Variants in CEP128 observed in about 807,000 individuals in gnomAD.
The protein encoded by CEP128 is centrosomal protein 128kDa.
A neutral mutation model predicts 156.7 loss-of-function variants in CEP128; 132 were observed. The observed-to-expected ratio is 0.84, with a 90% CI of 0.73 to 0.97. The LOEUF (loss-of-function observed/expected upper bound fraction) is 0.97, where lower values mean the gene tolerates loss of function less well. CEP128 is among the 50% of genes least tolerant of loss of function. The pLI, the probability that CEP128 is intolerant of heterozygous loss-of-function variation, is 0.00. For synonymous variants in CEP128, 469 were observed against 448.9 expected (o/e 1.04, Z -0.57); for missense variants, 1,252 against 1,281.9 (o/e 0.98, Z 0.36).
rs372020896 is a variant in CEP128 at position 80,724,025 on chromosome 14, T to C, written c.2806+19050A>G. 2.6e-5 allele frequency among the ~76,000 whole-genome samples: 4 copies of C among 152,326 alleles called. No homozygotes were observed. The East Asian group carries it at 5.8e-4, about 22-fold the overall frequency. ...AGAACAGTTAAAAGATTAAAACTGT[T>C]ATCCTCATTTAATAATTGAGTACCA... is the stretch of plus-strand genomic sequence containing the variant. On this transcript the variant is annotated intron_variant, in intron 19 of 24. Transcript: ENST00000555265.
intron 21 of CEP128, among the ~76,000 whole-genome samples, chr14:80,549,018 C>G (rs1208268461): frequency 1.3e-5 from 2 of 152,132 alleles, no homozygotes; most frequent in Non-Finnish European, 2.9e-5. Context: ...TACATTTGAC[C>G]ATAAACAGTC....
intron 20 of CEP128, among the ~76,000 whole-genome samples, chr14:80,561,569 A>G (rs1890674268): frequency 6.6e-6 from 1 of 152,142 alleles, no homozygotes; most frequent in Non-Finnish European, 1.5e-5. Context: ...GGAAGACTGA[A>G]AATATTTACA....
rs1888342464 is a variant in CEP128, at chr14:80,513,291, A to AT, written c.3073-8272dup. 2.0e-5 allele frequency among the ~76,000 whole-genome samples: 3 copies of AT among 152,286 alleles called. No individual in the cohort carries two copies. The South Asian group carries it at 6.2e-4, about 32-fold the overall frequency. The stretch of plus-strand genomic sequence containing the variant: ...ATTCCTTCAGCAATTTAAATATGTC[A>AT]TGCCTGCCTCTCCTGGCCTGTAAGA... On this transcript the variant is annotated intron_variant, in intron 23 of 24. Coordinates refer to ENST00000555265, the MANE Select transcript of CEP128 (RefSeq NM_152446.5).
intron 19 of CEP128, among the ~76,000 whole-genome samples, chr14:80,605,433 G>A (rs1187560800): frequency 6.6e-6 from 1 of 151,940 alleles, no homozygotes; most frequent in Admixed American, 6.6e-5. Flanking sequence ...CGTTCACCTC[G>A]AATATCTATC....
chr14:80,912,917 C>T (rs1334463578), intron 4 of CEP128, among the ~76,000 whole-genome samples: 3 of 152,048 alleles, frequency 2.0e-5, no homozygotes, highest in Non-Finnish European at 2.9e-5. Context: ...TTTCATCACA[C>T]TGTATATATA....
intron 19 of CEP128, among the ~76,000 whole-genome samples, chr14:80,647,066 T>TGTGTGC (rs1894682757): frequency 4.4e-5 from 1 of 22,844 alleles, no homozygotes; most frequent in African/African-American, 1.1e-4. Context: ...TATATATATA[T>TGTGTGC]ATATATATAT....
intron 19 of CEP128, among the ~76,000 whole-genome samples, chr14:80,597,610 C>T (rs1253647917): frequency 1.3e-5 from 2 of 148,546 alleles, no homozygotes; most frequent in East Asian, 4.0e-4. Context: ...ACAATTGTCC[C>T]TCAAAAAAAC....
intron 19 of CEP128, among the ~76,000 whole-genome samples, chr14:80,607,805 C>G (rs1892844312): frequency 6.6e-6 from 1 of 152,172 alleles, no homozygotes; most frequent in South Asian, 2.1e-4. Flanking sequence ...AACACCATTA[C>G]TTTTTATAGA....
chr14:80,682,833 C>A (rs1896375830), intron 19 of CEP128, among the ~76,000 whole-genome samples: 1 of 152,140 alleles, frequency 6.6e-6, no homozygotes, highest in Non-Finnish European at 1.5e-5. Context: ...ATTTCATTTT[C>A]TGCCAAACTA....
At chr14:80,489,246 A>G (rs1041272776), downstream of CEP128, among the ~76,000 whole-genome samples, 2 of 147,116 alleles carry the variant, frequency 1.4e-5, no homozygotes, top group African/African-American at 5.1e-5. Context: ...AAATAAACAT[A>G]TGGTTAAATA....
intron 17 of CEP128, among the ~76,000 whole-genome samples, chr14:80,757,550 T>C (rs559987365): frequency 5.1e-4 from 78 of 152,252 alleles, no homozygotes; most frequent in Non-Finnish European, 9.1e-4. Context: ...TCTGGTTTTG[T>C]CATATTACTA....
At chr14:80,640,301 C>A (rs1894354681) in intron 19 of CEP128, among the ~76,000 whole-genome samples, 1 of 152,022 alleles carries the variant, frequency 6.6e-6, no homozygotes, top group Non-Finnish European at 1.5e-5. Flanking sequence ...CTAAAACAAA[C>A]AAACAAAATA....
At chr14:80,670,014 A>T (rs1895775482) in intron 19 of CEP128, among the ~76,000 whole-genome samples, 1 of 152,178 alleles carries the variant, frequency 6.6e-6, no homozygotes, top group African/African-American at 2.4e-5. Flanking sequence ...TCATGCCAAA[A>T]GCAGGAGCAA....
chr14:80,740,306 T>C (rs1160908346), intron 19 of CEP128, among the ~76,000 whole-genome samples: 1 of 152,076 alleles, frequency 6.6e-6, no homozygotes, highest in Non-Finnish European at 1.5e-5. Context: ...TGCTAGGTGA[T>C]ACATAAAACA....
chr14:80,581,638 T>C (rs1371422421), intron 19 of CEP128, among the ~76,000 whole-genome samples: 1 of 152,180 alleles, frequency 6.6e-6, no homozygotes, highest in East Asian at 1.9e-4. Context: ...TTCTGTATGC[T>C]ATAGAGGAAC....
At chr14:80,804,158 CTT>C (rs1346949540) in intron 13 of CEP128, among the ~76,000 whole-genome samples, 3 of 151,872 alleles carry the variant, frequency 2.0e-5, no homozygotes, top group African/African-American at 4.8e-5. Flanking sequence ...GTTTTTATAA[CTT>C]TGAATTAATG....
chr14:80,759,270 T>G (rs1430220605), intron 17 of CEP128, among the ~76,000 whole-genome samples: 1 of 152,216 alleles, frequency 6.6e-6, no homozygotes, highest in Non-Finnish European at 1.5e-5. Context: ...AGGACTTTTC[T>G]CAAACTCATT....
At chr14:80,839,638 T>C (rs953056471) in intron 10 of CEP128, among the ~76,000 whole-genome samples, 10 of 152,186 alleles carry the variant, frequency 6.6e-5, no homozygotes, top group African/African-American at 2.2e-4. Flanking sequence ...AATGTTACCA[T>C]TGAGGCAAAT....
chr14:80,805,922 T>C (rs1480299737), intron 13 of CEP128, among the ~76,000 whole-genome samples: 3 of 152,182 alleles, frequency 2.0e-5, no homozygotes, highest in African/African-American at 7.2e-5. Flanking sequence ...TATTAACATT[T>C]TAGTCAATTC....
Sources: allele counts gnomAD v4.1 joint callset (sites outside exome capture counted in the v4.1 genomes callset), GRCh38; gene constraint gnomAD v4.1.1; transcripts MANE v1.5; gene names NCBI Gene and HGNC (gene_info 2026-07-23, HGNC 2026-07-21).